ANK3: variants seen among roughly 807,000 people sequenced by gnomAD.
ANK3 encodes ankyrin 3, also known as ankyrin-3.
A neutral mutation model predicts 370.9 loss-of-function variants in ANK3; 57 were observed. That is an observed-to-expected ratio of 0.15 (90% CI 0.12 to 0.19). The LOEUF (loss-of-function observed/expected upper bound fraction) is 0.19. ANK3 is among the 10% of genes least tolerant of loss of function. The pLI is 1.00. For synonymous variants in ANK3, 1,929 were observed against 1,946.3 expected (o/e 0.99, Z 0.23); for missense variants, 4,439 against 5,302.1 (o/e 0.84, Z 5.06).
rs1355666312 is a variant in ANK3 at position 60,028,865 on chromosome 10, TTTG to T, written c.*978_*980del. ...GCAACTACCGTATAGGTTATTTTTTTTTGTTGTTTTTAGGTCATTTCATTGAAA... is the reference window on the plus strand; with the variant it reads ...GCAACTACCGTATAGGTTATTTTTTTTTGTTTTTAGGTCATTTCATTGAAA... On this transcript the variant is annotated 3_prime_UTR_variant, in exon 44 of 44. Transcript: ENST00000280772. 4 of 152,178 alleles carry T rather than the reference TTTG, an allele frequency of 2.6e-5. No individual in the cohort carries two copies. The highest frequency in any genetic ancestry group is 1.3e-4 in the Admixed American group (2 of 15,234). The allele number at this position is 152,178 out of a possible 1,614,324, so 9.4% of individuals were successfully genotyped here. A position where few individuals can be genotyped will look rare whatever the true frequency, so the allele number is the denominator to read the frequency against.
intron 23 of ANK3, among the ~76,000 whole-genome samples, chr10:60,161,389 C>G (rs941876187): frequency 6.6e-6 from 1 of 151,870 alleles, no homozygotes. Context: ...GGGCATACAT[C>G]CAAATAAAAA....
At chr10:60,609,225 G>A (rs746949137) in intron 2 of ANK3, among the ~76,000 whole-genome samples, 3 of 152,098 alleles carry the variant, frequency 2.0e-5, no homozygotes, top group Non-Finnish European at 4.4e-5. Context: ...GAAAATTGAG[G>A]AATAAGGTGG....
chr10:60,322,836 T>A (rs531122065), intron 1 of ANK3, among the ~76,000 whole-genome samples: 4 of 152,116 alleles, frequency 2.6e-5, no homozygotes, highest in Non-Finnish European at 5.9e-5. Context: ...TGGGGTATAT[T>A]TTAAAGGCAG....
chr10:60,547,611 G>A (rs2076995822), intron 2 of ANK3, among the ~76,000 whole-genome samples: 1 of 151,466 alleles, frequency 6.6e-6, no homozygotes, highest in Admixed American at 6.6e-5. Context: ...TCCTGACCTG[G>A]TGATCCACCT....
At chr10:60,180,594 CA>C (rs58386273) in intron 18 of ANK3, among the ~76,000 whole-genome samples, 899 of 63,342 alleles carry the variant, frequency 0.014, 1 homozygote, top group Non-Finnish European at 0.02. Flanking sequence ...GACTCCGTCT[CA>C]AAAAAAAAAA....
chr10:60,159,689 TA>T (rs917410859), intron 23 of ANK3, among the ~76,000 whole-genome samples: 6 of 151,532 alleles, frequency 4.0e-5, no homozygotes, highest in African/African-American at 9.7e-5. Flanking sequence ...TCAAAAAATT[TA>T]AAAAAAAATT....
intron 23 of ANK3, among the ~76,000 whole-genome samples, chr10:60,150,544 G>A (rs2095060145): frequency 6.6e-6 from 1 of 152,158 alleles, no homozygotes; most frequent in Non-Finnish European, 1.5e-5. Flanking sequence ...TTGAGCCCCA[G>A]TGTTGGAGGT....
chr10:60,212,289 GAC>G (rs974960043), intron 9 of ANK3, among the ~76,000 whole-genome samples: 1 of 152,124 alleles, frequency 6.6e-6, no homozygotes, highest in Admixed American at 6.6e-5. Context: ...TGATTTGGAT[GAC>G]AGTTTATATG....
intron 1 of ANK3, among the ~76,000 whole-genome samples, chr10:60,368,352 G>A (rs1295234240): frequency 8.5e-5 from 13 of 152,146 alleles, no homozygotes; most frequent in Non-Finnish European, 1.8e-4. Flanking sequence ...GAGAAGGTAC[G>A]TATGTGGGGA....
intron 12 of ANK3, among the ~76,000 whole-genome samples, 189 bp downstream of exon 12, chr10:60,202,813 T>C (rs754891262): frequency 1.3e-5 from 2 of 152,014 alleles, no homozygotes; most frequent in Non-Finnish European, 2.9e-5. Context: ...GAGGCTGAGA[T>C]GGGAGGAGCA....
intron 23 of ANK3, chr10:60,140,387 T>G (rs2094509987): frequency 6.2e-7 from 1 of 1,613,666 alleles, no homozygotes; most frequent in Non-Finnish European, 8.5e-7. Flanking sequence ...GCTTGGATGA[T>G]CAAATGTTTT....
At chr10:60,217,555 T>G (rs1467494753) in intron 8 of ANK3, among the ~76,000 whole-genome samples, 4 of 152,190 alleles carry the variant, frequency 2.6e-5, no homozygotes, top group Non-Finnish European at 4.4e-5. Flanking sequence ...TCAATTTCCA[T>G]GTAATTGTGT....
chr10:60,279,587 T>C lies in ANK3; in HGVS notation c.167A>G (p.Lys56Arg). Reference protein sequence around the residue: ...LRAARAGHLEKALDYIKNGVD... With the variant: ...LRAARAGHLERALDYIKNGVD... ...TCCATTTTTTATGTAGTCGAGGGCC[T>C]TTTCAAGGTGTCCAGCTCGAGCTGC... is the stretch of plus-strand genomic sequence containing the variant. Residue 56 changes from lysine (K) to arginine (R), a missense_variant, in exon 2 of 44, where the codon AAG becomes AGG. By Grantham distance (26) the Lys-to-Arg change is conservative. This residue lies in a region of ANK3 where 136 missense variants were observed against 230.5 expected (regional missense o/e 0.59). Transcript: ENST00000280772. The C allele has an allele frequency of 6.2e-7, 1 of 1,612,548 alleles. No individual in the cohort carries two copies. Among genetic ancestry groups the C allele is most frequent in the Non-Finnish European group, 8.5e-7 (1 of 1,179,426 alleles).
chr10:60,252,739 C>A, intron 7 of ANK3, among the ~76,000 whole-genome samples: 1 of 152,136 alleles, frequency 6.6e-6, no homozygotes, highest in Non-Finnish European at 1.5e-5. Context: ...CTCATGCTGA[C>A]AAATAGCACC....
intron 1 of ANK3, chr10:60,685,197 T>C: frequency 4.8e-6 from 2 of 414,810 alleles, no homozygotes; most frequent in Non-Finnish European, 9.1e-6. Context: ...TAAAGCTTTG[T>C]ATTGTTCAAT....
At chr10:60,134,635 T>C (rs1473604434) in intron 24 of ANK3, among the ~76,000 whole-genome samples, 1 of 152,232 alleles carries the variant, frequency 6.6e-6, no homozygotes, top group African/African-American at 2.4e-5. Context: ...TGTTTCACTA[T>C]GAAGTTGAAC....
intron 2 of ANK3, among the ~76,000 whole-genome samples, chr10:60,597,812 C>A (rs759805796): frequency 5.3e-5 from 8 of 152,018 alleles, no homozygotes; most frequent in Non-Finnish European, 1.0e-4. Context: ...GAACTGCAAC[C>A]CTTTCTTAAG....
At chr10:60,403,105 A>G (rs887195929) in intron 2 of ANK3, among the ~76,000 whole-genome samples, 2 of 152,228 alleles carry the variant, frequency 1.3e-5, no homozygotes, top group African/African-American at 4.8e-5. Flanking sequence ...TAAAATGAAT[A>G]TATTTCTCAA....
intron 25 of ANK3, among the ~76,000 whole-genome samples, chr10:60,117,156 A>C (rs1251354302): frequency 6.6e-6 from 1 of 152,218 alleles, no homozygotes; most frequent in African/African-American, 2.4e-5. Context: ...CACCTTAAAA[A>C]ACATATTTCT....
Sources: gnomAD v4.1 joint callset for allele counts (sites outside exome capture counted in the v4.1 genomes callset) on GRCh38, gnomAD v4.1.1 for gene constraint, gnomAD v4.1.1 regional missense constraint, MANE v1.5 for transcripts, NCBI Gene and HGNC (gene_info 2026-07-23, HGNC 2026-07-21) for gene names.